Variants in CPNE6 observed in about 807,000 individuals in gnomAD.
The protein encoded by CPNE6 is copine-6.
CPNE6 carries 33 observed loss-of-function variants against 71.5 expected under a neutral mutation model. That is an observed-to-expected ratio of 0.46 (90% CI 0.35 to 0.62). The LOEUF (loss-of-function observed/expected upper bound fraction) is 0.62, where lower values mean the gene tolerates loss of function less well. Among genes scored for constraint, CPNE6 ranks in the 20% least tolerant of loss-of-function variants. The pLI is 0.00. For synonymous variants in CPNE6, 296 were observed against 293.0 expected (o/e 1.01, Z -0.10); for missense variants, 576 against 747.3 (o/e 0.77, Z 2.67).
chr14:24,073,708 TA>T lies in CPNE6; in HGVS notation c.348+31del. The T allele has an allele frequency of 6.3e-7, 1 of 1,593,450 alleles. No homozygotes were observed. The highest frequency in any genetic ancestry group is 8.6e-7 in the Non-Finnish European group (1 of 1,169,474). ...GCATTCCCGGCCTCCCCGGCTACCC[TA>T]CCCTACCTCCATCAGCTTTGCCTCT... On this transcript the variant is annotated intron_variant, in intron 4 of 17. Coordinates refer to ENST00000397016, the Ensembl canonical transcript of CPNE6. This position sits in a 1 kb window ranked among gnomAD's most constrained non-coding sequence, Gnocchi z 5.5.
Position 24,077,766 on chromosome 14 carries a change from C to G in CPNE6, c.*36C>G. The G allele has an allele frequency of 2.7e-6, 4 of 1,504,892 alleles. No homozygotes were observed. The highest frequency in any genetic ancestry group is 3.5e-6 in the Non-Finnish European group (4 of 1,128,536). The allele number at this position is 1,504,892 out of a possible 1,614,324, so 93.2% of individuals were successfully genotyped here. On this transcript the variant is annotated splice_region_variant and 3_prime_UTR_variant, in exon 17 of 18. Transcript: ENST00000397016. This position sits in a 1 kb window ranked among gnomAD's most constrained non-coding sequence, Gnocchi z 6.1. ...CCGGACCGACACTCCCTCAGCCTCT[C>G]AGTGAGTCCTGGGGCTTCCAAAGGA...
In CPNE6 at chr14:24,074,475, C is replaced by G. The variant is rs1215533737; in HGVS notation, c.499-56C>G. 61 of 1,592,390 alleles carry G rather than the reference C, an allele frequency of 3.8e-5. No homozygotes were observed. Among genetic ancestry groups the G allele is most frequent in the Non-Finnish European group, 4.8e-5 (56 of 1,160,910 alleles). On this transcript the variant is annotated intron_variant, in intron 6 of 17. Transcript: ENST00000397016. This position sits in a 1 kb window ranked among gnomAD's most constrained non-coding sequence, Gnocchi z 4.5. Reference sequence around the variant, plus strand: ...CTCTCTTCCCAGTGGGAGCCCATCCCCCACCCTCCTTGCAGCTCTCACCAA... The same window carrying G: ...CTCTCTTCCCAGTGGGAGCCCATCCGCCACCCTCCTTGCAGCTCTCACCAA...
rs2035995022 is a variant in CPNE6, at chr14:24,074,399, CT to C, written c.498+35del. ...CCCAGAGTCCAGGCCCCCAACTCCC[CT>C]GTCACTCCTAGGCCTCCCACTCAAG... On this transcript the variant is annotated intron_variant, in intron 6 of 17. Transcript: ENST00000397016. The surrounding 1 kb of genome is among the most constrained non-coding windows in gnomAD (Gnocchi z 4.5). The C allele has an allele frequency of 6.5e-7, 1 of 1,548,262 alleles. No homozygotes were observed. The highest frequency in any genetic ancestry group is 1.4e-5 in the African/African-American group (1 of 72,976).
Position 24,077,499 on chromosome 14 carries a change from A to G in CPNE6, c.1537-94A>G. On this transcript the variant is annotated intron_variant, in intron 16 of 17. Coordinates refer to ENST00000397016, the Ensembl canonical transcript of CPNE6. The surrounding 1 kb of genome is among the most constrained non-coding windows in gnomAD (Gnocchi z 6.1). ...TGTCCTGCTAAGGACGCGGGAGCCCAGCTGGCCACCCTGAAGCCCCACTTC... is the reference window on the plus strand; with the variant it reads ...TGTCCTGCTAAGGACGCGGGAGCCCGGCTGGCCACCCTGAAGCCCCACTTC... 1.3e-6 allele frequency: 2 copies of G among 1,579,724 alleles called. No homozygotes were observed. Among genetic ancestry groups the G allele is most frequent in the Non-Finnish European group, 1.7e-6 (2 of 1,150,760 alleles).
chr14:24,074,839 A>C lies in CPNE6; in HGVS notation c.672+44A>C. 6.6e-7 allele frequency: 1 copy of C among 1,517,208 alleles called. No homozygotes were observed. Among genetic ancestry groups the C allele is most frequent in the Non-Finnish European group, 9.1e-7 (1 of 1,104,014 alleles). The allele number at this position is 1,517,208 out of a possible 1,614,324, so 94.0% of individuals were successfully genotyped here. On this transcript the variant is annotated intron_variant, in intron 8 of 17. Transcript: ENST00000397016. This position sits in a 1 kb window ranked among gnomAD's most constrained non-coding sequence, Gnocchi z 4.5. The stretch of plus-strand genomic sequence containing the variant: ...CAGCACAGCCTACTTAGAGCAACCA[A>C]TCTGCTATCTAAGACCTTTCCCCTG...
Position 24,075,759 on chromosome 14 carries a change from G to A in CPNE6, c.865-68G>A, listed in dbSNP as rs966173455. The A allele has an allele frequency of 4.0e-6, 6 of 1,502,616 alleles. No homozygotes were observed. The highest frequency in any genetic ancestry group is 1.4e-5 in the African/African-American group (1 of 72,554). 93.1% of individuals were successfully genotyped at this position (1,502,616 alleles called of 1,614,324 possible). ...TGGCTCCCCCATGTTCCCCACAGAA[G>A]CCCTACCCAAGCTCCCTCCTCAAAG... is the stretch of plus-strand genomic sequence containing the variant. On this transcript the variant is annotated intron_variant, in intron 10 of 17. Coordinates refer to ENST00000397016, the Ensembl canonical transcript of CPNE6. The surrounding 1 kb of genome is among the most constrained non-coding windows in gnomAD (Gnocchi z 4.3).
At position 24,074,568 on chromosome 14, in the gene CPNE6, A is replaced by G. The variant is rs757973953; in HGVS notation, c.536A>G (p.Tyr179Cys). Residue 179 changes from tyrosine to cysteine, a missense_variant, in exon 7 of 18, where the codon TAT (tyrosine) becomes TGT (cysteine). By Grantham distance (194) the Tyr-to-Cys change is radical. Coordinates refer to ENST00000397016, the Ensembl canonical transcript of CPNE6. This position sits in a 1 kb window ranked among gnomAD's most constrained non-coding sequence, Gnocchi z 4.5. Reference sequence around the variant, plus strand: ...AAGTCTGACCCTTTCATGGAAATCTATAAGACCAACGAGGACCAAAGTGAT... The same window carrying G: ...AAGTCTGACCCTTTCATGGAAATCTGTAAGACCAACGAGGACCAAAGTGAT... 1.9e-6 allele frequency: 3 copies of G among 1,614,166 alleles called. No homozygotes were observed. The highest frequency in any genetic ancestry group is 8.5e-7 in the Non-Finnish European group (1 of 1,180,024).
rs752202330 is a variant in CPNE6, at chr14:24,073,074, C to G, written c.138C>G (p.Leu46=). 2 of 1,517,822 alleles carry G rather than the reference C, an allele frequency of 1.3e-6. No homozygotes were observed. Among genetic ancestry groups the G allele is most frequent in the Admixed American group, 4.3e-5 (2 of 46,854 alleles). 94.0% of individuals were successfully genotyped at this position (1,517,822 alleles called of 1,614,324 possible). Residue 46 remains leucine (L), a synonymous_variant, in exon 3 of 18, where the codon CTC becomes CTG. Transcript: ENST00000397016. The surrounding 1 kb of genome is among the most constrained non-coding windows in gnomAD (Gnocchi z 5.5). ...CCAAACCCCACCCCTGCGTGCTGCT[C>G]AAGCTCTACTCTGATGAGCAGTGGG...
At chr14:24,071,502 C>A (rs1425369079) in intron 1 of CPNE6, 60 bp from the exon 1 acceptor site, 5 of 447,716 alleles carry the variant, frequency 1.1e-5, no homozygotes, top group East Asian at 9.4e-5. Flanking sequence ...TGGTGCTGCG[C>A]CCCCCCCCAC....
At position 24,073,994 on chromosome 14, in the gene CPNE6, C is replaced by T. The variant is rs956274424; in HGVS notation, c.349-57C>T. ...AGCATTTATTATTCCATCCCTTGTA[C>T]GTGGCCAAGGCAGATGGGGATGTCA... On this transcript the variant is annotated intron_variant, in intron 4 of 17. Coordinates refer to ENST00000397016, the Ensembl canonical transcript of CPNE6. The surrounding 1 kb of genome is among the most constrained non-coding windows in gnomAD (Gnocchi z 5.5). 80 of 1,452,500 alleles carry T rather than the reference C, an allele frequency of 5.5e-5. No homozygotes were observed. The highest frequency in any genetic ancestry group is 7.0e-5 in the Non-Finnish European group (72 of 1,032,838). The allele number at this position is 1,452,500 out of a possible 1,614,324, so 90.0% of individuals were successfully genotyped here.
rs1184934113 is a variant in CPNE6 at position 24,075,290 on chromosome 14, C to A, written c.777+14C>A. The A allele has an allele frequency of 1.2e-6, 2 of 1,602,278 alleles. No individual in the cohort carries two copies. The highest frequency in any genetic ancestry group is 1.3e-5 in the African/African-American group (1 of 74,642). ...CCTGGGCAGGAGGTGCCACAAATAC[C>A]CCACCCCCAGAATCCCACCCAGATC... On this transcript the variant is annotated intron_variant, in intron 9 of 17. Transcript: ENST00000397016. The surrounding 1 kb of genome is among the most constrained non-coding windows in gnomAD (Gnocchi z 4.3).
rs369211454 is a variant in CPNE6, at chr14:24,077,683, G to T, written c.1627G>T (p.Ala543Ser). Residue 543 changes from alanine (A) to serine (S), a missense_variant, in exon 17 of 18, where the codon GCT (alanine) becomes TCT (serine). By Grantham distance (99) the Ala-to-Ser change is moderately conservative. Transcript: ENST00000397016. The surrounding 1 kb of genome is among the most constrained non-coding windows in gnomAD (Gnocchi z 6.1). ...CGCCAGCCAGGGCATCAGCCCTGGGGCTCCCAGGCCCTGCACACTGGCTAC... is the reference window on the plus strand; with the variant it reads ...CGCCAGCCAGGGCATCAGCCCTGGGTCTCCCAGGCCCTGCACACTGGCTAC... The T allele has an allele frequency of 2.5e-6, 4 of 1,583,924 alleles. No homozygotes were observed. The African/African-American group carries it at 5.4e-5, about 21-fold the overall frequency.
rs752020565 is a variant in CPNE6 at position 24,076,489 on chromosome 14, C to A, written c.1114-17C>A. On this transcript the variant is annotated splice_polypyrimidine_tract_variant and intron_variant, in intron 13 of 17. Transcript: ENST00000397016. ...CAGAAAAGGCAGGCCCTCACTGCTC[C>A]CGCCTTGCCCTCACAGGTGTCCCAT... 6.2e-7 allele frequency: 1 copy of A among 1,614,176 alleles called. No individual in the cohort carries two copies. Among genetic ancestry groups the A allele is most frequent in the South Asian group, 1.1e-5 (1 of 91,090 alleles).
chr14:24,078,046 T>A (rs927873957), exon 18 of CPNE6: 3 of 274,276 alleles, frequency 1.1e-5, no homozygotes, highest in Non-Finnish European at 2.0e-5. Flanking sequence ...CCTTGGGTGA[T>A]CCTGACTTTC....
intron 13 of CPNE6, 41 bp downstream of exon 12, chr14:24,076,455 T>C (rs2036067087): frequency 6.2e-7 from 1 of 1,614,032 alleles, no homozygotes; most frequent in African/African-American, 1.3e-5. Flanking sequence ...GGGGGGCGTG[T>C]CAGTCAGGCA....
Position 24,073,696 on chromosome 14 carries a change from C to T in CPNE6, c.348+18C>T. 1 of 1,604,570 alleles carries T rather than the reference C, an allele frequency of 6.2e-7. No homozygotes were observed. The highest frequency in any genetic ancestry group is 8.5e-7 in the Non-Finnish European group (1 of 1,174,782). ...TGGGCCAGGTCTGCATTCCCGGCCT[C>T]CCCGGCTACCCTACCCTACCTCCAT... On this transcript the variant is annotated intron_variant, in intron 4 of 17. Coordinates refer to ENST00000397016, the Ensembl canonical transcript of CPNE6. This position sits in a 1 kb window ranked among gnomAD's most constrained non-coding sequence, Gnocchi z 5.5.
chr14:24,073,619 G>T lies in CPNE6; in HGVS notation c.289G>T (p.Gly97Ter), dbSNP rs1341224789. 4.3e-6 allele frequency: 7 copies of T among 1,613,856 alleles called. No homozygotes were observed. The highest frequency in any genetic ancestry group is 2.7e-5 in the African/African-American group (2 of 74,894). ...GTTCCACGTGTTCGATGCCGAGGAC[G>T]GAGCCACCAGCCCCCGAAATGATAC... The change falls in exon 4 of 18, where the codon GGA becomes TGA. Residue 97 changes from glycine (G) to a stop codon, truncating the protein, a stop_gained. Transcript: ENST00000397016. LOFTEE classifies it high-confidence loss of function. The surrounding 1 kb of genome is among the most constrained non-coding windows in gnomAD (Gnocchi z 5.5).
At position 24,075,708 on chromosome 14, in the gene CPNE6, AC is replaced by A; in HGVS notation, c.865-114del. 1 of 1,347,448 alleles carries A rather than the reference AC, an allele frequency of 7.4e-7. No homozygotes were observed. The highest frequency in any genetic ancestry group is 1.0e-6 in the Non-Finnish European group (1 of 956,936). 83.5% of individuals were successfully genotyped at this position (1,347,448 alleles called of 1,614,324 possible). A position where few individuals can be genotyped will look rare whatever the true frequency, so the allele number is the denominator to read the frequency against. Reference sequence around the variant, plus strand: ...TCTCTGCTTCTGGGAACTGGAAACCACCCCCAACTGCAACCCAAAAAACTCT... The same window carrying A: ...TCTCTGCTTCTGGGAACTGGAAACCACCCCAACTGCAACCCAAAAAACTCT... On this transcript the variant is annotated intron_variant, in intron 10 of 17. Coordinates refer to ENST00000397016, the Ensembl canonical transcript of CPNE6. The surrounding 1 kb of genome is among the most constrained non-coding windows in gnomAD (Gnocchi z 4.3).
Position 24,074,863 on chromosome 14 carries a change from TGCATGTG to T in CPNE6, c.672+72_672+78del, listed in dbSNP as rs1566550176. On this transcript the variant is annotated intron_variant, in intron 8 of 17. Coordinates refer to ENST00000397016, the Ensembl canonical transcript of CPNE6. This position sits in a 1 kb window ranked among gnomAD's most constrained non-coding sequence, Gnocchi z 4.5. The stretch of plus-strand genomic sequence containing the variant: ...AATCTGCTATCTAAGACCTTTCCCC[TGCATGTG>T]GCAAGCCTCCCTCCTCTCCCCCAAG... 37 of 1,344,964 alleles carry T rather than the reference TGCATGTG, an allele frequency of 2.8e-5. No homozygotes were observed. Among genetic ancestry groups the T allele is most frequent in the Admixed American group, 9.7e-5 (5 of 51,768 alleles). The allele number at this position is 1,344,964 out of a possible 1,614,324, so 83.3% of individuals were successfully genotyped here.
Sources: allele counts gnomAD v4.1 joint callset, GRCh38; gene constraint gnomAD v4.1.1; non-coding constraint Gnocchi (gnomAD v3.1); transcripts MANE v1.5; gene names NCBI Gene and HGNC (gene_info 2026-07-23, HGNC 2026-07-21).